SEMA4C: variants seen among roughly 807,000 people sequenced by gnomAD.
SEMA4C encodes the protein semaphorin 4C.
A neutral mutation model predicts 89.0 loss-of-function variants in SEMA4C; 19 were observed. The observed-to-expected ratio is 0.21, with a 90% CI of 0.15 to 0.31. The LOEUF is 0.31. SEMA4C is among the 10% of genes least tolerant of loss of function. The pLI is 1.00. For synonymous variants in SEMA4C, 428 were observed against 472.7 expected (o/e 0.91, Z 1.23); for missense variants, 811 against 1,107.0 (o/e 0.73, Z 3.79).
chr2:96,866,216 C>T lies in SEMA4C; in HGVS notation c.258+67G>A, dbSNP rs2080067123. 2.6e-6 allele frequency: 4 copies of T among 1,534,310 alleles called. No individual in the cohort carries two copies. In the African/African-American group the frequency reaches 4.1e-5, roughly 16 times the overall value. On this transcript the variant is annotated intron_variant, in intron 3 of 14. Coordinates refer to ENST00000305476, the MANE Select transcript of SEMA4C (RefSeq NM_017789.5). The stretch of plus-strand genomic sequence containing the variant: ...CAGCCAGGCTGAGGGACCACCTAGC[C>T]AAGCACAGCCCCTCTGGGCCTTGCC...
chr2:96,861,886 G>T lies in SEMA4C; in HGVS notation c.1452C>A (p.Leu484=). Residue 484 remains leucine (L), a synonymous_variant, in exon 13 of 15, where the codon CTC becomes CTA. Transcript: ENST00000305476. The surrounding 1 kb of genome is among the most constrained non-coding windows in gnomAD (Gnocchi z 7.8). ...CCAGCTGAGAGCGGGAGCCGGCAAA[G>T]AGCAGCTTCTGCGAGAAAAGCGGGG... ...SLVLSQSKKL[L]FAGSRSQLVQ... The T allele has an allele frequency of 5.0e-6, 8 of 1,610,478 alleles. No individual in the cohort carries two copies. The highest frequency in any genetic ancestry group is 2.2e-5 in the East Asian group (1 of 44,796).
chr2:96,868,326 C>G, intron 1 of SEMA4C: 1 of 769,616 alleles, frequency 1.3e-6, no homozygotes, highest in Non-Finnish European at 1.6e-6. Flanking sequence ...GCTCCGGACC[C>G]TGCCAACACC....
At chr2:96,869,707 G>A (rs1179396728) in intron 1 of SEMA4C, 169 bp downstream of exon 1, 46 of 985,088 alleles carry the variant, frequency 4.7e-5, no homozygotes, top group Admixed American at 6.2e-5. Context: ...CGAAGCAGCC[G>A]CGGGGGTCGC....
chr2:96,861,099 G>A lies in SEMA4C; in HGVS notation c.2029C>T (p.Leu677=). ...LAVVALGAVC[L]VLLLLVLSLR... is the part of the protein sequence containing the mutation. Reference sequence around the variant, plus strand: ...GACAGCACCAGCAGCAGCAGCACCAGGCACACAGCCCCCAGGGCCACCACC... The same window carrying A: ...GACAGCACCAGCAGCAGCAGCACCAAGCACACAGCCCCCAGGGCCACCACC... The change falls in exon 15 of 15, where the codon CTG becomes TTG. Residue 677 remains leucine (L), a synonymous_variant. Transcript: ENST00000305476. The surrounding 1 kb of genome is among the most constrained non-coding windows in gnomAD (Gnocchi z 7.8). 6.2e-7 allele frequency: 1 copy of A among 1,612,396 alleles called. No individual in the cohort carries two copies. Among genetic ancestry groups the A allele is most frequent in the Non-Finnish European group, 8.5e-7 (1 of 1,179,862 alleles).
At chr2:96,866,215 C>T in intron 3 of SEMA4C, 68 bp downstream of exon 3, 2 of 1,533,526 alleles carry the variant, frequency 1.3e-6, no homozygotes, top group Non-Finnish European at 1.8e-6. Flanking sequence ...GACCACCTAG[C>T]CAAGCACAGC....
In SEMA4C at chr2:96,865,616, G is replaced by C. The variant is rs78675178; in HGVS notation, c.420+50C>G. On this transcript the variant is annotated intron_variant, in intron 5 of 14. Coordinates refer to ENST00000305476, the MANE Select transcript of SEMA4C (RefSeq NM_017789.5). Reference sequence around the variant, plus strand: ...GCCACATCCACGAGTCCAGAGAAGGGTGAGGAGGGCGGGGGGCTGGGGACA... The same window carrying C: ...GCCACATCCACGAGTCCAGAGAAGGCTGAGGAGGGCGGGGGGCTGGGGACA... 1.2e-3 allele frequency: 1,834 copies of C among 1,589,272 alleles called. 16 individuals carry two copies. In the African/African-American group the frequency reaches 0.022, roughly 19 times the overall value.
intron 1 of SEMA4C, chr2:96,869,537 C>T (rs1490821971): frequency 1.0e-6 from 1 of 985,192 alleles, no homozygotes; most frequent in African/African-American, 1.7e-5. Flanking sequence ...CAAGCCCGCC[C>T]CAAACTTTCC....
chr2:96,863,956 C>T lies in SEMA4C; in HGVS notation c.1300G>A (p.Ala434Thr). Residue 434 changes from alanine to threonine, a missense_variant, in exon 11 of 15, where the codon GCC becomes ACC. Coordinates refer to ENST00000305476, the MANE Select transcript of SEMA4C (RefSeq NM_017789.5). ...VADRVTGLDG[A>T]TYTVLFIGTG... ...CCAATGAACAGCACTGTATAGGTGG[C>T]TCCATCAAGTCCTGTAACCCGGTCG... 1 of 1,613,180 alleles carries T rather than the reference C, an allele frequency of 6.2e-7. No homozygotes were observed. The highest frequency in any genetic ancestry group is 8.5e-7 in the Non-Finnish European group (1 of 1,179,774).
chr2:96,863,908 G>A lies in SEMA4C; in HGVS notation c.1330+18C>T. ...TGCCCAGCCTTGAGCAGCCATGCCTGCATACCCATGCACCCACCTGTGCCA... is the reference window on the plus strand; with the variant it reads ...TGCCCAGCCTTGAGCAGCCATGCCTACATACCCATGCACCCACCTGTGCCA... On this transcript the variant is annotated intron_variant, in intron 11 of 14. Transcript: ENST00000305476. 1 of 1,599,778 alleles carries A rather than the reference G, an allele frequency of 6.3e-7. No homozygotes were observed. The highest frequency in any genetic ancestry group is 8.5e-7 in the Non-Finnish European group (1 of 1,170,788).
At chr2:96,863,346 A>T (rs1246199552) in intron 12 of SEMA4C, 2 of 1,083,688 alleles carry the variant, frequency 1.8e-6, no homozygotes, top group Non-Finnish European at 2.3e-6. Flanking sequence ...AGGTCTGGTC[A>T]CAGGGGCATG....
chr2:96,861,906 G>A lies in SEMA4C; in HGVS notation c.1444-12C>T. The A allele has an allele frequency of 6.2e-7, 1 of 1,600,148 alleles. No homozygotes were observed. The highest frequency in any genetic ancestry group is 1.1e-5 in the South Asian group (1 of 89,926). On this transcript the variant is annotated splice_polypyrimidine_tract_variant and intron_variant, in intron 12 of 14. Coordinates refer to ENST00000305476, the MANE Select transcript of SEMA4C (RefSeq NM_017789.5). This position sits in a 1 kb window ranked among gnomAD's most constrained non-coding sequence, Gnocchi z 7.8. ...GCAAAGAGCAGCTTCTGCGAGAAAA[G>A]CGGGGCGCAGGAGGGGGGTCGGCCA...
chr2:96,869,128 G>C, intron 1 of SEMA4C: 4 of 985,364 alleles, frequency 4.1e-6, no homozygotes, highest in Non-Finnish European at 4.8e-6. Flanking sequence ...GCGGGAGAGC[G>C]GGGGCTGCGC....
In SEMA4C at chr2:96,861,649, T is replaced by A; in HGVS notation, c.1602A>T (p.Gly534=). 6.3e-7 allele frequency: 1 copy of A among 1,581,416 alleles called. No individual in the cohort carries two copies. The highest frequency in any genetic ancestry group is 8.6e-7 in the Non-Finnish European group (1 of 1,160,414). ...SRCVAVGGHS[G]SLLIQHVMTS... ...TCATCACATGCTGGATCAGTAGAGA[T>A]CTGGTAGGGGATGTAGGGTACATCA... The change falls in exon 14 of 15, where the codon GGA becomes GGT. Residue 534 remains glycine (G), a splice_region_variant and synonymous_variant. Coordinates refer to ENST00000305476, the MANE Select transcript of SEMA4C (RefSeq NM_017789.5). The surrounding 1 kb of genome is among the most constrained non-coding windows in gnomAD (Gnocchi z 7.8).
At position 96,865,091 on chromosome 2, in the gene SEMA4C, T is replaced by C. The variant is rs1445992425; in HGVS notation, c.659A>G (p.Tyr220Cys). The change falls in exon 8 of 15, where the codon TAT becomes TGT. Residue 220 changes from tyrosine (Y) to cysteine (C), a missense_variant. By Grantham distance (194) the Tyr-to-Cys change is radical. Around this residue, in one of 4 missense-constraint regions of SEMA4C, gnomAD observed 441 missense variants for 664.9 expected, o/e 0.66. Transcript: ENST00000305476. ...GAAGCTGCCCACACTCTCAGGTACATAGGCAGAGCCTACAAAGTGAGGTTC... is the reference window on the plus strand; with the variant it reads ...GAAGCTGCCCACACTCTCAGGTACACAGGCAGAGCCTACAAAGTGAGGTTC... ...LNEPHFVGSAYVPESVGSFTG... is the reference protein window; with the variant it reads ...LNEPHFVGSACVPESVGSFTG... 1.3e-6 allele frequency: 2 copies of C among 1,566,960 alleles called. No homozygotes were observed. The highest frequency in any genetic ancestry group is 2.3e-5 in the South Asian group (2 of 85,888).
intron 3 of SEMA4C, 130 bp downstream of exon 3, chr2:96,866,153 G>C (rs1161877411): frequency 1.2e-5 from 16 of 1,334,412 alleles, no homozygotes; most frequent in African/African-American, 1.5e-5. Context: ...CCCAACCAGA[G>C]GGCAGGCCCC....
chr2:96,865,971 G>T (rs2080060452), intron 3 of SEMA4C, 42 bp from the exon 4 acceptor site: 1 of 1,592,192 alleles, frequency 6.3e-7, no homozygotes, highest in Non-Finnish European at 8.6e-7. Context: ...TACAGGTACG[G>T]ACTGAGCACG....
Position 96,868,546 on chromosome 2 carries a change from G to A in SEMA4C, c.-37-623C>T, listed in dbSNP as rs1360637395. ...CAGGAGTGTGAGAAGGGCCGGGAGC[G>A]AAGGGGCCCAGCTTCCCGAGGCCCC... On this transcript the variant is annotated intron_variant, in intron 1 of 14. Coordinates refer to ENST00000305476, the MANE Select transcript of SEMA4C (RefSeq NM_017789.5). 4 of 985,854 alleles carry A rather than the reference G, an allele frequency of 4.1e-6. No homozygotes were observed. The African/African-American group carries it at 5.2e-5, about 13-fold the overall frequency. The allele number at this position is 985,854 out of a possible 1,614,324, so 61.1% of individuals were successfully genotyped here.
chr2:96,863,124 A>G (rs2079989682), intron 12 of SEMA4C: 3 of 421,314 alleles, frequency 7.1e-6, no homozygotes, highest in Non-Finnish European at 9.5e-6. Flanking sequence ...GCATAAGAAT[A>G]GCTTCAACCT....
chr2:96,863,946 G>A lies in SEMA4C; in HGVS notation c.1310C>T (p.Thr437Ile). ...RVTGLDGATY[T>I]VLFIGTGDGW... ...CCCACCTGTGCCAATGAACAGCACT[G>A]TATAGGTGGCTCCATCAAGTCCTGT... is the stretch of plus-strand genomic sequence containing the variant. Residue 437 changes from threonine to isoleucine, a missense_variant, in exon 11 of 15, where the codon ACA becomes ATA. Thr to Ile is a moderately conservative substitution (Grantham distance 89). Coordinates refer to ENST00000305476, the MANE Select transcript of SEMA4C (RefSeq NM_017789.5). The A allele has an allele frequency of 6.2e-7, 1 of 1,612,880 alleles. No homozygotes were observed. The highest frequency in any genetic ancestry group is 2.2e-5 in the East Asian group (1 of 44,836).
Sources: gnomAD v4.1 joint callset for allele counts on GRCh38, gnomAD v4.1.1 for gene constraint, gnomAD v4.1.1 regional missense constraint, Gnocchi (gnomAD v3.1) non-coding constraint, MANE v1.5 for transcripts, NCBI Gene and HGNC (gene_info 2026-07-23, HGNC 2026-07-21) for gene names.